DLGAP2: variants seen among roughly 807,000 people sequenced by gnomAD.
DLGAP2 encodes the protein disks large-associated protein 2.
In DLGAP2, 26 loss-of-function variants were observed where a neutral mutation model predicts 100.3. That is an observed-to-expected ratio of 0.26 (90% confidence interval 0.19 to 0.36). The LOEUF is 0.36. Among genes scored for constraint, DLGAP2 ranks in the 10% least tolerant of loss-of-function variants. The pLI is 1.00. For missense variants in DLGAP2, 1,858 were observed against 1,453.2 expected, an observed-to-expected ratio of 1.28 and a Z score of -4.53; for synonymous variants, 886 against 630.1, an observed-to-expected ratio of 1.41 and a Z score of -6.08.
At position 1,150,053 on chromosome 8, in the gene DLGAP2, A is replaced by C. The variant is rs187854059; in HGVS notation, c.74-108798A>C. ...TTGATATTTAGATTTAGTGACCCACATATTCACCTTTCTTTGCTCTTCATT... is the reference window on the plus strand; with the variant it reads ...TTGATATTTAGATTTAGTGACCCACCTATTCACCTTTCTTTGCTCTTCATT... On this transcript the variant is annotated intron_variant, in intron 2 of 14. Transcript: ENST00000637795. Among the ~76,000 whole-genome samples the C allele has an allele frequency of 2.6e-5, 4 of 152,340 alleles. No homozygotes were observed. In the East Asian group the frequency reaches 7.7e-4, roughly 29 times the overall value.
At chr8:1,526,388 G>C (rs1489715984) in intron 4 of DLGAP2, among the ~76,000 whole-genome samples, 1 of 151,938 alleles carries the variant, frequency 6.6e-6, no homozygotes, top group Non-Finnish European at 1.5e-5. Flanking sequence ...TCAGAGGGTG[G>C]GAATGCATGT....
At chr8:1,231,663 A>C (rs937717237) in intron 2 of DLGAP2, among the ~76,000 whole-genome samples, 1 of 152,230 alleles carries the variant, frequency 6.6e-6, no homozygotes, top group Non-Finnish European at 1.5e-5. Context: ...AAAAGAATGA[A>C]ATCGTGTTCT....
chr8:1,486,169 T>C (rs1029622003), intron 3 of DLGAP2, among the ~76,000 whole-genome samples: 2 of 152,210 alleles, frequency 1.3e-5, no homozygotes, highest in African/African-American at 4.8e-5. Flanking sequence ...ACAAACAGCA[T>C]GATGACCATC....
At chr8:781,866 G>C (rs529372395) in intron 1 of DLGAP2, among the ~76,000 whole-genome samples, 5 of 152,030 alleles carry the variant, frequency 3.3e-5, no homozygotes, top group Non-Finnish European at 7.4e-5. Context: ...TGTTTCTTTT[G>C]TGAAAAAGGA....
chr8:1,367,509 G>C (rs1438660935), intron 3 of DLGAP2, among the ~76,000 whole-genome samples: 1 of 152,210 alleles, frequency 6.6e-6, no homozygotes, highest in African/African-American at 2.4e-5. Context: ...AATTCCAAAA[G>C]TCCAGGCACA....
intron 3 of DLGAP2, among the ~76,000 whole-genome samples, chr8:1,287,735 C>T (rs1299674733): frequency 3.6e-5 from 2 of 55,422 alleles, no homozygotes; most frequent in East Asian, 6.0e-4. Flanking sequence ...GTGTGTGGTT[C>T]TGTTAGGGGA....
chr8:1,002,297 G>T (rs985046198), intron 2 of DLGAP2: 1 of 152,152 alleles, frequency 6.6e-6, no homozygotes, highest in African/African-American at 2.4e-5. Context: ...CGGGGTCTGT[G>T]ACCTCATCTA....
chr8:1,514,752 CCCAAG>C (rs1378835714), intron 4 of DLGAP2, among the ~76,000 whole-genome samples: 1 of 152,182 alleles, frequency 6.6e-6, no homozygotes, highest in African/African-American at 2.4e-5. Flanking sequence ...CAGGTGGAGG[CCCAAG>C]CTCCTAGTCC....
intron 4 of DLGAP2, among the ~76,000 whole-genome samples, chr8:1,529,093 G>A (rs889926794): frequency 6.6e-6 from 1 of 152,190 alleles, no homozygotes; most frequent in Admixed American, 6.5e-5. Flanking sequence ...AATTTATAAA[G>A]GAAAGAGGTT....
At chr8:1,354,467 T>C (rs1032209617) in intron 3 of DLGAP2, among the ~76,000 whole-genome samples, 5 of 152,136 alleles carry the variant, frequency 3.3e-5, no homozygotes, top group Non-Finnish European at 7.3e-5. Flanking sequence ...GAGCTGATAT[T>C]GAGCCGCTGC....
At chr8:1,010,896 G>A (rs555162563) in intron 2 of DLGAP2, among the ~76,000 whole-genome samples, 1 of 149,836 alleles carries the variant, frequency 6.7e-6, no homozygotes, top group South Asian at 2.1e-4. Flanking sequence ...CAGGCGAGGG[G>A]CCCCTCAGTC....
At chr8:1,312,523 T>G (rs1409976754) in intron 3 of DLGAP2, among the ~76,000 whole-genome samples, 1 of 152,160 alleles carries the variant, frequency 6.6e-6, no homozygotes, top group Non-Finnish European at 1.5e-5. Context: ...ATTCAGGGTT[T>G]CTGGGGGCTT....
chr8:1,032,553 T>G (rs1802005962), intron 2 of DLGAP2: 1 of 152,270 alleles, frequency 6.6e-6, no homozygotes, highest in South Asian at 2.1e-4. Context: ...CCTTTGTTGA[T>G]TTAAACATTT....
intron 3 of DLGAP2, among the ~76,000 whole-genome samples, chr8:1,437,870 C>T (rs1222855576): frequency 6.7e-6 from 1 of 149,192 alleles, no homozygotes; most frequent in African/African-American, 2.5e-5. Flanking sequence ...CCTGTAATCC[C>T]AGCTACTCGG....
chr8:1,550,951 G>A (rs143261455), intron 5 of DLGAP2, among the ~76,000 whole-genome samples: 164 of 152,358 alleles, frequency 1.1e-3, no homozygotes, highest in African/African-American at 3.7e-3. Flanking sequence ...ATGGAGTAAT[G>A]GGCCATTGCT....
intron 2 of DLGAP2, among the ~76,000 whole-genome samples, chr8:1,115,978 C>T (rs1356983301): frequency 6.6e-6 from 1 of 152,158 alleles, no homozygotes; most frequent in African/African-American, 2.4e-5. Flanking sequence ...ACATCAGTGC[C>T]CAGGAAACGA....
chr8:828,333 C>T (rs1324784350), intron 1 of DLGAP2, among the ~76,000 whole-genome samples: 2 of 152,170 alleles, frequency 1.3e-5, no homozygotes, highest in African/African-American at 2.4e-5. Context: ...CCGGGGGGGC[C>T]AGTTCAGAGA....
chr8:1,683,856 A>ATATATATATATATATATATATG lies in DLGAP2; in HGVS notation c.2704+5228_2704+5229insATATATATATATATATATATGT, dbSNP rs1467438870. Reference sequence around the variant, plus strand: ...CCACTATATATATATATATATATATATGTGTGTGTGTGTGTGTGTGTGTGT... The same window carrying ATATATATATATATATATATATG: ...CCACTATATATATATATATATATATATATATATATATATATATATATGTGTGTGTGTGTGTGTGTGTGTGTGT... On this transcript the variant is annotated intron_variant, in intron 12 of 14. Transcript: ENST00000637795. 9.0e-4 allele frequency among the ~76,000 whole-genome samples: 56 copies of ATATATATATATATATATATATG among 62,224 alleles called. 1 individual carries two copies. The highest frequency in any genetic ancestry group is 4.5e-3 in the African/African-American group (53 of 11,886). 40.8% of individuals were successfully genotyped at this position (62,224 alleles called of 152,430 possible).
At chr8:1,541,343 A>T (rs769196759) in intron 4 of DLGAP2, among the ~76,000 whole-genome samples, 6 of 152,166 alleles carry the variant, frequency 3.9e-5, no homozygotes, top group Non-Finnish European at 5.9e-5. Flanking sequence ...TGGCCGTTGG[A>T]GACACAATAT....
Sources: allele counts gnomAD v4.1 joint callset (sites outside exome capture counted in the v4.1 genomes callset), GRCh38; gene constraint gnomAD v4.1.1; transcripts MANE v1.5; gene names NCBI Gene and HGNC (gene_info 2026-07-23, HGNC 2026-07-21).